Variants in CPSF3 observed in about 807,000 individuals in gnomAD.
CPSF3 encodes cleavage and polyadenylation specificity factor subunit 3.
In CPSF3, 57 loss-of-function variants were observed where a neutral mutation model predicts 84.1. The ratio of observed to expected loss-of-function variants is 0.68; its 90% confidence interval spans 0.55 to 0.85. CPSF3 has a LOEUF of 0.85. CPSF3 is among the 40% of genes least tolerant of loss of function. CPSF3 has a pLI of 0.00. For synonymous variants in CPSF3, 275 were observed against 278.1 expected, an observed-to-expected ratio of 0.99 and a Z score of 0.11; for missense variants, 522 against 838.8, an observed-to-expected ratio of 0.62 and a Z score of 4.66.
intron 10 of CPSF3, among the ~76,000 whole-genome samples, chr2:9,446,339 G>T (rs1681121741): frequency 1.3e-5 from 2 of 152,172 alleles, no homozygotes; most frequent in African/African-American, 4.8e-5. Context: ...CCAGCATTTT[G>T]GGAGGCCAAG....
In CPSF3 at chr2:9,431,549, TTTC is replaced by T. The variant is rs1479979706; in HGVS notation, c.341+672_341+674del. ...TACATATTTTTTTTTTCTTTTTTTT[TTTC>T]TTTTTTTTTTGAGACGGAGTCTTGT... On this transcript the variant is annotated intron_variant, in intron 4 of 17. Transcript: ENST00000238112. Among the ~76,000 whole-genome samples, 485 of 103,828 alleles carry T rather than the reference TTTC, an allele frequency of 4.7e-3. 20 individuals carry two copies. The highest frequency in any genetic ancestry group is 0.018 in the African/African-American group (459 of 25,336). 68.1% of individuals were successfully genotyped at this position (103,828 alleles called of 152,430 possible).
At chr2:9,446,379 G>A (rs1031640320) in intron 10 of CPSF3, among the ~76,000 whole-genome samples, 6 of 152,050 alleles carry the variant, frequency 3.9e-5, no homozygotes, top group African/African-American at 1.4e-4. Flanking sequence ...AGGAGATGGA[G>A]ACCATCCTGG....
At chr2:9,455,125 A>G (rs1681477881) in intron 12 of CPSF3, among the ~76,000 whole-genome samples, 1 of 149,234 alleles carries the variant, frequency 6.7e-6, no homozygotes, top group Admixed American at 6.7e-5. Context: ...ATGTTTGGGG[A>G]CATGAGGTGC....
At chr2:9,467,935 ACCGTTC>A in intron 16 of CPSF3, 159 bp downstream of exon 16, 1 of 597,220 alleles carries the variant, frequency 1.7e-6, no homozygotes, top group South Asian at 2.1e-5. Context: ...AGGGGCTGGA[ACCGTTC>A]CCTGCCAGCT....
intron 10 of CPSF3, among the ~76,000 whole-genome samples, chr2:9,447,906 T>C (rs1681179085): frequency 6.6e-6 from 1 of 152,126 alleles, no homozygotes; most frequent in Admixed American, 6.5e-5. Flanking sequence ...ACTGTGAACA[T>C]AGAAGCAGTG....
chr2:9,463,652 T>C (rs1434420837), intron 15 of CPSF3, among the ~76,000 whole-genome samples: 1 of 152,234 alleles, frequency 6.6e-6, no homozygotes, highest in Non-Finnish European at 1.5e-5. Flanking sequence ...CTTATGCTGC[T>C]CATGAGGAAG....
At chr2:9,466,320 GCA>G (rs1681947142) in intron 15 of CPSF3, among the ~76,000 whole-genome samples, 3 of 72,638 alleles carry the variant, frequency 4.1e-5, no homozygotes, top group Middle Eastern at 0.011. Flanking sequence ...ACTGACGCAC[GCA>G]CACAGACGCA....
intron 12 of CPSF3, among the ~76,000 whole-genome samples, chr2:9,455,096 T>C (rs1046626432): frequency 1.3e-5 from 2 of 151,304 alleles, no homozygotes; most frequent in Non-Finnish European, 2.9e-5. Flanking sequence ...ACCAGCTCTG[T>C]GGCATCCAAG....
At chr2:9,454,835 C>T (rs1330742317) in intron 12 of CPSF3, among the ~76,000 whole-genome samples, 1 of 151,948 alleles carries the variant, frequency 6.6e-6, no homozygotes, top group Non-Finnish European at 1.5e-5. Context: ...TGAGCCACTG[C>T]GCCGGGCCCG....
intron 6 of CPSF3, 77 bp downstream of exon 6, chr2:9,434,037 C>A: frequency 2.4e-6 from 2 of 817,100 alleles, no homozygotes; most frequent in South Asian, 3.2e-5. Flanking sequence ...ATACTGTGAT[C>A]TCACTTTCAT....
intron 16 of CPSF3, among the ~76,000 whole-genome samples, chr2:9,469,560 T>C (rs1202833159): frequency 1.3e-5 from 2 of 152,170 alleles, no homozygotes; most frequent in Non-Finnish European, 2.9e-5. Flanking sequence ...GGGAGGGCAG[T>C]CTGCGGGAGG....
intron 2 of CPSF3, among the ~76,000 whole-genome samples, chr2:9,429,679 G>C (rs1407237050): frequency 1.3e-5 from 2 of 152,162 alleles, no homozygotes; most frequent in East Asian, 3.8e-4. Context: ...AAAGTAGCTG[G>C]AAAGAAGCTG....
At chr2:9,433,050 T>C (rs1446749655) in intron 5 of CPSF3, among the ~76,000 whole-genome samples, 3 of 152,236 alleles carry the variant, frequency 2.0e-5, no homozygotes, top group East Asian at 3.9e-4. Flanking sequence ...TTGATATTCA[T>C]GTCCCCCTGA....
At chr2:9,424,229 C>T (rs1186454804) in intron 1 of CPSF3, 79 of 997,392 alleles carry the variant, frequency 7.9e-5, no homozygotes, top group Middle Eastern at 5.1e-4. Context: ...AGGCTACAGC[C>T]GTGCAGGGAA....
intron 1 of CPSF3, among the ~76,000 whole-genome samples, chr2:9,425,840 CCT>C (rs1385814789): frequency 6.6e-6 from 1 of 152,144 alleles, no homozygotes; most frequent in East Asian, 1.9e-4. Flanking sequence ...ACAACCATCA[CCT>C]CTCTCTAATT....
intron 1 of CPSF3, 129 bp from the exon 2 acceptor site, chr2:9,428,636 G>A (rs960170705): frequency 2.8e-5 from 18 of 633,838 alleles, no homozygotes; most frequent in Admixed American, 1.1e-4. Context: ...ACTCTCTTAC[G>A]TCTCAGAATT....
At chr2:9,441,104 GTATT>G (rs1680948582) in intron 8 of CPSF3, among the ~76,000 whole-genome samples, 1 of 152,168 alleles carries the variant, frequency 6.6e-6, no homozygotes, top group African/African-American at 2.4e-5. Context: ...TTTGTATTAT[GTATT>G]TAAGTTTCTC....
intron 12 of CPSF3, among the ~76,000 whole-genome samples, chr2:9,454,553 T>A (rs887963413): frequency 6.8e-6 from 1 of 146,054 alleles, no homozygotes; most frequent in Non-Finnish European, 1.5e-5. Flanking sequence ...TTTTTTTTTT[T>A]TTTTTTTGAG....
At chr2:9,423,911 C>A in intron 1 of CPSF3, 88 bp downstream of exon 1, 1 of 1,552,692 alleles carries the variant, frequency 6.4e-7, no homozygotes, top group Non-Finnish European at 8.7e-7. Context: ...GTCGCCCGCG[C>A]TCCCACCTAC....
Sources: allele counts gnomAD v4.1 joint callset (sites outside exome capture counted in the v4.1 genomes callset), GRCh38; gene constraint gnomAD v4.1.1; transcripts MANE v1.5; gene names NCBI Gene and HGNC (gene_info 2026-07-23, HGNC 2026-07-21).